The following KNG1 variants were observed in gnomAD, a reference collection of about 807,000 sequenced individuals.
KNG1 encodes the protein kininogen 1.
A neutral mutation model predicts 47.8 loss-of-function variants in KNG1; 23 were observed. That is an observed-to-expected ratio of 0.48 (90% CI 0.35 to 0.68). The LOEUF (loss-of-function observed/expected upper bound fraction) is 0.68. Ranked by LOEUF, KNG1 falls within the 30% of genes least tolerant of loss-of-function variation. The pLI is 0.01. For missense variants in KNG1, 762 were observed against 790.2 expected (o/e 0.96, Z 0.43); for synonymous variants, 277 against 277.0 (o/e 1.00, Z 0.00).
At chr3:186,730,669 AAAAAAAAAAAAAAAATATATAT>A (rs1220150103) in intron 5 of KNG1, among the ~76,000 whole-genome samples, 7 of 64,232 alleles carry the variant, frequency 1.1e-4, no homozygotes, top group African/African-American at 4.0e-4. Flanking sequence ...AAAAAAAAAA[AAAAAAAAAAAAAAAATATATAT>A]ATATATATAT....
intron 1 of KNG1, chr3:186,718,164 A>C (rs1342479287): frequency 7.9e-5 from 3 of 38,032 alleles, no homozygotes; most frequent in African/African-American, 3.9e-4. Flanking sequence ...GCCACCCACC[A>C]CCCACCACCA....
At chr3:186,723,186 A>C (rs1029576369) in intron 3 of KNG1, among the ~76,000 whole-genome samples, 14 of 152,064 alleles carry the variant, frequency 9.2e-5, no homozygotes, top group Admixed American at 7.2e-4. Flanking sequence ...TGTTTTTTAC[A>C]TGCATTGAAC....
Position 186,743,652 on chromosome 3 carries a change from T to C in KNG1, c.*1321T>C, listed in dbSNP as rs1180201897. 37 of 1,407,712 alleles carry C rather than the reference T, an allele frequency of 2.6e-5. No homozygotes were observed. The highest frequency in any genetic ancestry group is 3.7e-5 in the Non-Finnish European group (37 of 993,650). 87.2% of individuals were successfully genotyped at this position (1,407,712 alleles called of 1,614,324 possible). A position where few individuals can be genotyped will look rare whatever the true frequency, so the allele number is the denominator to read the frequency against. On this transcript the variant is annotated 3_prime_UTR_variant, in exon 10 of 10. Coordinates refer to ENST00000644859, the MANE Select transcript of KNG1 (RefSeq NM_001102416.3). ...CTTGTCAACTGGTTGCTCCACTTTT[T>C]AAAAATGATTGAATGATAACATCAT... is the stretch of plus-strand genomic sequence containing the variant.
At position 186,725,141 on chromosome 3, in the gene KNG1, A is replaced by C; in HGVS notation, c.445A>C (p.Ile149Leu). 6 of 1,614,110 alleles carry C rather than the reference A, an allele frequency of 3.7e-6. No individual in the cohort carries two copies. The highest frequency in any genetic ancestry group is 5.1e-6 in the Non-Finnish European group (6 of 1,180,024). ...CGACTGCCTCGGCTGTGTGCATCCT[A>C]TATCAACGCAGAGCCCAGACCTGGA... is the stretch of plus-strand genomic sequence containing the variant. ...QYDCLGCVHPISTQSPDLEPI... is the reference protein window; with the variant it reads ...QYDCLGCVHPLSTQSPDLEPI... The change falls in exon 4 of 10, where the codon ATA (isoleucine) becomes CTA (leucine). Residue 149 changes from isoleucine (I) to leucine (L), a missense_variant. By Grantham distance (5) the Ile-to-Leu change is conservative. Transcript: ENST00000644859.
chr3:186,724,211 G>A (rs1263530371), intron 3 of KNG1, among the ~76,000 whole-genome samples: 1 of 152,124 alleles, frequency 6.6e-6, no homozygotes, highest in Non-Finnish European at 1.5e-5. Context: ...GTGCATTAGA[G>A]TTCTCTTTTC....
chr3:186,737,748 G>A (rs1018891494), intron 7 of KNG1, among the ~76,000 whole-genome samples: 2 of 152,010 alleles, frequency 1.3e-5, no homozygotes, highest in African/African-American at 4.8e-5. Context: ...AATAGAGACA[G>A]GGATTCATTA....
intron 7 of KNG1, chr3:186,735,720 T>G (rs1408144344): frequency 6.6e-6 from 1 of 152,260 alleles, no homozygotes; most frequent in Non-Finnish European, 1.5e-5. Flanking sequence ...GAGGATTGCT[T>G]GAGACTGGGA....
Position 186,741,642 on chromosome 3 carries a change from G to C in KNG1, c.1246G>C (p.Glu416Gln), listed in dbSNP as rs1488121883. 6.2e-7 allele frequency: 1 copy of C among 1,614,168 alleles called. No homozygotes were observed. Among genetic ancestry groups the C allele is most frequent in the South Asian group, 1.1e-5 (1 of 91,062 alleles). The change falls in exon 10 of 10, where the codon GAG becomes CAG. Residue 416 changes from glutamate to glutamine, a missense_variant. Coordinates refer to ENST00000644859, the MANE Select transcript of KNG1 (RefSeq NM_001102416.3). Reference protein sequence around the residue: ...HTSMAPAQDEERDSGKEQGHT... With the variant: ...HTSMAPAQDEQRDSGKEQGHT... Reference sequence around the variant, plus strand: ...TTCCATGGCACCTGCACAAGATGAAGAGCGGGATTCAGGAAAAGAACAAGG... The same window carrying C: ...TTCCATGGCACCTGCACAAGATGAACAGCGGGATTCAGGAAAAGAACAAGG...
rs200048853 is a variant in KNG1, at chr3:186,739,430, C to T, written c.1125+16C>T. On this transcript the variant is annotated intron_variant, in intron 9 of 9. Transcript: ENST00000644859. ...ACTGGGAATGGTATGATTCTAATTA[C>T]AGTCAGCGTGGGGTCAGTTCTGCTC... 1.1e-5 allele frequency: 17 copies of T among 1,522,566 alleles called. No homozygotes were observed. In the South Asian group the frequency reaches 1.8e-4, roughly 16 times the overall value. 94.3% of individuals were successfully genotyped at this position (1,522,566 alleles called of 1,614,324 possible).
rs565311404 is a variant in KNG1, at chr3:186,743,696, T to C, written c.*1365T>C. ...ACATCATATTAACTGCGTTTTACTA[T>C]ACTTACAGAGTCACCTAAGGTCCTG... is the stretch of plus-strand genomic sequence containing the variant. On this transcript the variant is annotated 3_prime_UTR_variant, in exon 10 of 10. Transcript: ENST00000644859. 1 of 1,608,472 alleles carries C rather than the reference T, an allele frequency of 6.2e-7. No individual in the cohort carries two copies. Among genetic ancestry groups the C allele is most frequent in the Non-Finnish European group, 8.5e-7 (1 of 1,174,872 alleles).
At chr3:186,734,006 T>C (rs1005353389) in intron 7 of KNG1, among the ~76,000 whole-genome samples, 1 of 152,146 alleles carries the variant, frequency 6.6e-6, no homozygotes, top group Non-Finnish European at 1.5e-5. Flanking sequence ...GCAACTCCAA[T>C]AGTCTCTGAC....
chr3:186,717,699 C>A lies in KNG1; in HGVS notation c.157C>A (p.Gln53Lys). The change falls in exon 1 of 10, where the codon CAG becomes AAG. Residue 53 changes from glutamine (Q) to lysine (K), a missense_variant. Gln to Lys is a moderately conservative substitution (Grantham distance 53). Coordinates refer to ENST00000644859, the MANE Select transcript of KNG1 (RefSeq NM_001102416.3). ...TAACAGTCAAAACCAAAGTAACAAC[C>A]AGTTTGTATTGTACCGCATAACTGA... is the stretch of plus-strand genomic sequence containing the variant. ...KYNSQNQSNN[Q>K]FVLYRITEAT... 1 of 1,613,038 alleles carries A rather than the reference C, an allele frequency of 6.2e-7. No homozygotes were observed. The highest frequency in any genetic ancestry group is 2.2e-5 in the East Asian group (1 of 44,892).
chr3:186,732,450 G>C, intron 6 of KNG1, 52 bp from the exon 7 acceptor site: 2 of 1,565,002 alleles, frequency 1.3e-6, no homozygotes, highest in Non-Finnish European at 1.8e-6. Flanking sequence ...AGGGATGCTA[G>C]GCCAGGCTGC....
intron 2 of KNG1, 150 bp from the exon 3 acceptor site, chr3:186,722,287 T>C (rs994661951): frequency 1.5e-6 from 1 of 658,730 alleles, no homozygotes. Context: ...ATTAAAAAAA[T>C]TTATTCTCAT....
At chr3:186,740,116 C>T (rs933095253) in intron 9 of KNG1, among the ~76,000 whole-genome samples, 1 of 151,880 alleles carries the variant, frequency 6.6e-6, no homozygotes, top group African/African-American at 2.4e-5. Context: ...GAATTTTAAC[C>T]AGATCCCCAG....
At chr3:186,722,701 A>G (rs929820754) in intron 3 of KNG1, among the ~76,000 whole-genome samples, 180 bp downstream of exon 3, 8 of 152,228 alleles carry the variant, frequency 5.3e-5, no homozygotes, top group Admixed American at 6.5e-5. Flanking sequence ...GCTTGTGACC[A>G]TCATCCCCTT....
intron 2 of KNG1, chr3:186,720,536 G>A (rs1307502024): frequency 5.9e-6 from 2 of 338,008 alleles, no homozygotes; most frequent in African/African-American, 4.3e-5. Flanking sequence ...AGGGGAGGGG[G>A]TGGGTGCTTC....
chr3:186,720,079 C>A (rs1720142098), intron 1 of KNG1, 26 bp from the exon 2 acceptor site: 2 of 1,487,650 alleles, frequency 1.3e-6, no homozygotes, highest in South Asian at 1.1e-5. Context: ...TTGGATGAAC[C>A]CTAAGTATCT....
intron 1 of KNG1, among the ~76,000 whole-genome samples, chr3:186,719,649 A>G (rs1483690724): frequency 6.6e-6 from 1 of 151,986 alleles, no homozygotes; most frequent in Non-Finnish European, 1.5e-5. Context: ...GAATGGCGTG[A>G]ACCCGGGAGG....
Sources: gnomAD v4.1 joint callset for allele counts (sites outside exome capture counted in the v4.1 genomes callset) on GRCh38, gnomAD v4.1.1 for gene constraint, MANE v1.5 for transcripts, NCBI Gene and HGNC (gene_info 2026-07-23, HGNC 2026-07-21) for gene names.